ARHGAP15: variants seen among roughly 807,000 people sequenced by gnomAD.
ARHGAP15 encodes rho GTPase-activating protein 15.
Under a neutral mutation model 63.7 loss-of-function variants are expected in ARHGAP15, and 51 were observed. The observed-to-expected ratio is 0.80, with a 90% CI of 0.64 to 1.01. The LOEUF (loss-of-function observed/expected upper bound fraction) is 1.01. Ranked by LOEUF, ARHGAP15 falls within the 50% of genes least tolerant of loss-of-function variation. The pLI, the probability that ARHGAP15 is intolerant of heterozygous loss-of-function variation, is 0.00. For synonymous variants in ARHGAP15, 191 were observed against 193.8 expected (o/e 0.99, Z 0.12); for missense variants, 560 against 564.6 (o/e 0.99, Z 0.08).
chr2:143,759,082 G>C (rs753548985), intron 13 of ARHGAP15, among the ~76,000 whole-genome samples: 7 of 152,086 alleles, frequency 4.6e-5, no homozygotes, highest in Non-Finnish European at 8.8e-5. Context: ...ATGTTTAGCA[G>C]GATCCTTTGC....
chr2:143,413,381 G>A (rs1688528108), intron 6 of ARHGAP15, among the ~76,000 whole-genome samples: 1 of 152,088 alleles, frequency 6.6e-6, no homozygotes, highest in South Asian at 2.1e-4. Context: ...AATGCCTCAG[G>A]GCCCCTTTAC....
chr2:143,243,272 C>G (rs1167131077), intron 5 of ARHGAP15, among the ~76,000 whole-genome samples: 1 of 152,142 alleles, frequency 6.6e-6, no homozygotes, highest in Non-Finnish European at 1.5e-5. Context: ...AGAGAAAATA[C>G]TCTTAGCTAT....
chr2:143,219,174 A>G (rs1240975017), intron 4 of ARHGAP15, among the ~76,000 whole-genome samples: 1 of 152,142 alleles, frequency 6.6e-6, no homozygotes, highest in African/African-American at 2.4e-5. Context: ...ACTGATGCCT[A>G]CTGTACCTTT....
intron 12 of ARHGAP15, among the ~76,000 whole-genome samples, chr2:143,692,262 C>T (rs1331168315): frequency 2.6e-5 from 4 of 152,128 alleles, no homozygotes; most frequent in Non-Finnish European, 1.5e-5. Context: ...AATTTGGTTG[C>T]ATCAGGAATT....
intron 13 of ARHGAP15, among the ~76,000 whole-genome samples, chr2:143,732,136 A>C (rs1685564803): frequency 6.6e-6 from 1 of 150,618 alleles, no homozygotes; most frequent in Non-Finnish European, 1.5e-5. Context: ...AAATAATAAG[A>C]AATTCTGAAT....
At chr2:143,150,148 C>A (rs1689760100) in intron 1 of ARHGAP15, among the ~76,000 whole-genome samples, 1 of 151,938 alleles carries the variant, frequency 6.6e-6, no homozygotes, top group Non-Finnish European at 1.5e-5. Flanking sequence ...CTCTACTCAG[C>A]AGCATAAAGA....
intron 6 of ARHGAP15, chr2:143,435,320 C>T (rs1689562108): frequency 1.9e-6 from 2 of 1,074,498 alleles, no homozygotes; most frequent in African/African-American, 1.7e-5. Flanking sequence ...TCTGAACTTC[C>T]TGGCTTGTTT....
At position 143,645,062 on chromosome 2, in the gene ARHGAP15, A is replaced by G. The variant is rs911845961; in HGVS notation, c.1138+20795A>G. Among the ~76,000 whole-genome samples the G allele has an allele frequency of 5.3e-5, 8 of 152,094 alleles. 1 individual carries two copies. Among genetic ancestry groups the G allele is most frequent in the Middle Eastern group, 6.3e-3 (2 of 316 alleles). On this transcript the variant is annotated intron_variant, in intron 12 of 13. Transcript: ENST00000295095. Reference sequence around the variant, plus strand: ...TGAAGATGTATGATGCAAAATTCCTATTACATAGGTTTGAGATTGTTTTAC... The same window carrying G: ...TGAAGATGTATGATGCAAAATTCCTGTTACATAGGTTTGAGATTGTTTTAC...
At chr2:143,553,296 A>T (rs1163510352) in intron 10 of ARHGAP15, among the ~76,000 whole-genome samples, 1 of 152,198 alleles carries the variant, frequency 6.6e-6, no homozygotes, top group Non-Finnish European at 1.5e-5. Context: ...TAATTTAAAA[A>T]GTATGATAGC....
chr2:143,542,703 A>AAT (rs1279593350), intron 10 of ARHGAP15, among the ~76,000 whole-genome samples: 1 of 136,708 alleles, frequency 7.3e-6, no homozygotes, highest in Non-Finnish European at 1.6e-5. Flanking sequence ...TCACATATAT[A>AAT]ATATATATGA....
intron 11 of ARHGAP15, among the ~76,000 whole-genome samples, chr2:143,599,215 G>A (rs555496181): frequency 8.5e-5 from 13 of 152,222 alleles, no homozygotes; most frequent in African/African-American, 3.1e-4. Context: ...TTCACCAAAT[G>A]CTATATACCT....
intron 6 of ARHGAP15, among the ~76,000 whole-genome samples, chr2:143,402,276 G>T (rs530911083): frequency 6.6e-6 from 1 of 151,768 alleles, no homozygotes; most frequent in Non-Finnish European, 1.5e-5. Context: ...TGCAGGATAC[G>T]TTTATTAAGC....
intron 6 of ARHGAP15, among the ~76,000 whole-genome samples, chr2:143,380,111 C>A (rs188472254): frequency 6.6e-6 from 1 of 152,168 alleles, no homozygotes; most frequent in African/African-American, 2.4e-5. Context: ...GAGTAGGCAA[C>A]TGATAGTGTA....
At chr2:143,420,638 T>A (rs1354620324) in intron 6 of ARHGAP15, among the ~76,000 whole-genome samples, 1 of 152,172 alleles carries the variant, frequency 6.6e-6, no homozygotes, top group Non-Finnish European at 1.5e-5. Context: ...GGAGTCCGCT[T>A]AGAATCTTGC....
intron 1 of ARHGAP15, among the ~76,000 whole-genome samples, chr2:143,146,413 T>C (rs7568188): frequency 0.07 from 10,578 of 152,086 alleles, 922 homozygotes; most frequent in South Asian, 0.24. Flanking sequence ...TTTTCATTGA[T>C]ATAAAGTTCA....
chr2:143,470,669 A>G lies in ARHGAP15; in HGVS notation c.704-16704A>G, dbSNP rs560690481. 9.9e-5 allele frequency among the ~76,000 whole-genome samples: 13 copies of G among 131,912 alleles called. No homozygotes were observed. In the Admixed American group the frequency reaches 9.9e-4, roughly 10 times the overall value. 86.5% of individuals were successfully genotyped at this position (131,912 alleles called of 152,430 possible). A position where few individuals can be genotyped will look rare whatever the true frequency, so the allele number is the denominator to read the frequency against. Reference sequence around the variant, plus strand: ...TGTGTGTATATATATACATGTATATATGTGTGTGTATATATATATGTATAT... The same window carrying G: ...TGTGTGTATATATATACATGTATATGTGTGTGTGTATATATATATGTATAT... On this transcript the variant is annotated intron_variant, in intron 8 of 13. Transcript: ENST00000295095.
rs572878189 is a variant in ARHGAP15, at chr2:143,295,945, G to C, written c.474+45345G>C. 5.3e-5 allele frequency among the ~76,000 whole-genome samples: 8 copies of C among 152,092 alleles called. No homozygotes were observed. The South Asian group carries it at 1.7e-3, about 32-fold the overall frequency. On this transcript the variant is annotated intron_variant, in intron 6 of 13. Transcript: ENST00000295095. The stretch of plus-strand genomic sequence containing the variant: ...TCACCTTCTACTCATTTCAACAAGT[G>C]TAAGAGTTAAGAAATGTGCCTCGCT...
intron 6 of ARHGAP15, among the ~76,000 whole-genome samples, chr2:143,260,850 C>T (rs1305088875): frequency 2.0e-5 from 3 of 152,128 alleles, no homozygotes; most frequent in African/African-American, 7.2e-5. Flanking sequence ...ATTCCCCATC[C>T]TTCCTCTGTT....
intron 13 of ARHGAP15, among the ~76,000 whole-genome samples, chr2:143,710,167 T>A (rs1334447184): frequency 6.6e-6 from 1 of 152,160 alleles, no homozygotes; most frequent in African/African-American, 2.4e-5. Flanking sequence ...TTTTCTTTTT[T>A]TTTCTCTTTT....
Sources: gnomAD v4.1 joint callset for allele counts (sites outside exome capture counted in the v4.1 genomes callset) on GRCh38, gnomAD v4.1.1 for gene constraint, MANE v1.5 for transcripts, NCBI Gene and HGNC (gene_info 2026-07-23, HGNC 2026-07-21) for gene names.